The following TGFBI variants were observed in gnomAD, a reference collection of about 807,000 sequenced individuals.
TGFBI encodes the protein transforming growth factor beta induced, also known as transforming growth factor-beta-induced protein ig-h3.
In TGFBI, 50 loss-of-function variants were observed where a neutral mutation model predicts 73.7. The ratio of observed to expected loss-of-function variants is 0.68; its 90% CI spans 0.54 to 0.86. The LOEUF is 0.86. Among genes scored for constraint, TGFBI ranks in the 40% least tolerant of loss-of-function variants. The probability of loss-of-function intolerance (pLI) is 0.00; values close to 1 mark genes in which losing one functional copy is unlikely to be tolerated. For synonymous variants in TGFBI, 362 were observed against 360.5 expected (o/e 1.00, Z -0.05); for missense variants, 839 against 877.0 (o/e 0.96, Z 0.55).
At chr5:136,060,783 A>G (rs1561615892) in intron 13 of TGFBI, 51 bp from the exon 14 acceptor site, 5 of 1,330,232 alleles carry the variant, frequency 3.8e-6, no homozygotes, top group African/African-American at 1.5e-5. Flanking sequence ...TAAATATATA[A>G]ATGTATAAAT....
rs1751063247 is a variant in TGFBI at position 136,029,200 on chromosome 5, C to T, written c.134+11C>T. On this transcript the variant is annotated intron_variant, in intron 1 of 16. Coordinates refer to ENST00000442011, the MANE Select transcript of TGFBI (RefSeq NM_000358.3). ...GGGCCGCCAGCACGGGTAAGCCGAGCCGCCTGGCCAGGGGCTGCGGAAGGT... is the reference window on the plus strand; with the variant it reads ...GGGCCGCCAGCACGGGTAAGCCGAGTCGCCTGGCCAGGGGCTGCGGAAGGT... 2.2e-5 allele frequency: 33 copies of T among 1,474,360 alleles called. No homozygotes were observed. Among genetic ancestry groups the T allele is most frequent in the East Asian group, 2.7e-5 (1 of 36,406 alleles). The allele number at this position is 1,474,360 out of a possible 1,614,324, so 91.3% of individuals were successfully genotyped here.
Position 136,060,902 on chromosome 5 carries a change from G to A in TGFBI, c.1872G>A (p.Val624=), listed in dbSNP as rs778360033. The change falls in exon 14 of 17, where the codon GTG becomes GTA. Residue 624 remains valine, a synonymous_variant. Coordinates refer to ENST00000442011, the MANE Select transcript of TGFBI (RefSeq NM_000358.3). ...CTGACATCATGGCCACAAATGGCGT[G>A]GTCCATGTCATCACCAATGTTCTGC... ...AEPDIMATNG[V]VHVITNVLQP... The A allele has an allele frequency of 1.4e-5, 22 of 1,594,462 alleles. No homozygotes were observed. In the African/African-American group the frequency reaches 2.5e-4, roughly 18 times the overall value.
At chr5:136,058,491 A>G (rs1580721932) in intron 12 of TGFBI, among the ~76,000 whole-genome samples, 1 of 152,164 alleles carries the variant, frequency 6.6e-6, no homozygotes, top group East Asian at 1.9e-4. Flanking sequence ...GAATGCTGAG[A>G]CGTGACGAGG....
At chr5:136,058,454 G>T (rs920054417) in intron 12 of TGFBI, among the ~76,000 whole-genome samples, 2 of 152,148 alleles carry the variant, frequency 1.3e-5, no homozygotes, top group African/African-American at 4.8e-5. Flanking sequence ...TGCCCCAGTT[G>T]CTGGAGACAC....
intron 1 of TGFBI, among the ~76,000 whole-genome samples, chr5:136,029,800 A>G (rs1751084026): frequency 6.6e-6 from 1 of 152,216 alleles, no homozygotes; most frequent in Non-Finnish European, 1.5e-5. Context: ...GCCCTCACAC[A>G]CACTGTTCAA....
chr5:136,055,717 A>G lies in TGFBI; in HGVS notation c.1448A>G (p.Asp483Gly), dbSNP rs923621740. ...CIENSCIAAH[D>G]KRGRYGTLFT... ...GAGAACAGCTGCATCGCGGCCCACG[A>G]CAAGAGGGGGAGGTACGGGACCCTG... The change falls in exon 11 of 17, where the codon GAC (aspartate) becomes GGC (glycine). Residue 483 changes from aspartate to glycine, a missense_variant. By Grantham distance (94) the Asp-to-Gly change is moderately conservative. Coordinates refer to ENST00000442011, the MANE Select transcript of TGFBI (RefSeq NM_000358.3). The G allele has an allele frequency of 6.2e-7, 1 of 1,610,384 alleles. No homozygotes were observed. Among genetic ancestry groups the G allele is most frequent in the Non-Finnish European group, 8.5e-7 (1 of 1,177,276 alleles).
In TGFBI at chr5:136,059,256, G is replaced by A. The variant is rs140780027; in HGVS notation, c.1803+42G>A. The A allele has an allele frequency of 4.9e-4, 789 of 1,600,160 alleles. 3 individuals carry two copies. The African/African-American group carries it at 9.9e-3, about 20-fold the overall frequency. On this transcript the variant is annotated intron_variant, in intron 13 of 16. Transcript: ENST00000442011. The stretch of plus-strand genomic sequence containing the variant: ...TCAAAGGCTGGCTAAATTTCCCCAG[G>A]GCAGGGCTCCAGGACATATCTCACC...
chr5:136,044,342 CCA>C (rs1376960700), intron 3 of TGFBI, among the ~76,000 whole-genome samples: 1 of 152,262 alleles, frequency 6.6e-6, no homozygotes, highest in Non-Finnish European at 1.5e-5. Context: ...GGCCTCCTTA[CCA>C]CACTGGTGGA....
chr5:136,037,188 G>A (rs777748352), intron 2 of TGFBI, among the ~76,000 whole-genome samples: 47 of 152,218 alleles, frequency 3.1e-4, no homozygotes, highest in Non-Finnish European at 4.4e-4. Flanking sequence ...CTTTATTACA[G>A]GAAGTGGTTA....
intron 12 of TGFBI, among the ~76,000 whole-genome samples, chr5:136,057,518 C>T (rs1038453798): frequency 6.6e-6 from 1 of 151,944 alleles, no homozygotes; most frequent in Admixed American, 6.6e-5. Context: ...AAATAGGATG[C>T]CACACACAGG....
intron 2 of TGFBI, among the ~76,000 whole-genome samples, chr5:136,043,164 A>T (rs1344386896): frequency 1.3e-5 from 2 of 152,234 alleles, no homozygotes; most frequent in African/African-American, 4.8e-5. Flanking sequence ...CCGAAGGTAC[A>T]GGGTAGCCTT....
chr5:136,047,303 G>A lies in TGFBI; in HGVS notation c.654G>A (p.Leu218=). Residue 218 remains leucine, a synonymous_variant, in exon 6 of 17, where the codon CTG becomes CTA. Transcript: ENST00000442011. The part of the protein sequence containing the change: ...GIVTVNCARL[L]KADHHATNGV... The stretch of plus-strand genomic sequence containing the variant: ...TAACTGTGAACTGTGCCCGGCTGCT[G>A]AAAGCCGACCACCATGCAACCAACG... 6.2e-7 allele frequency: 1 copy of A among 1,613,846 alleles called. No homozygotes were observed. Among genetic ancestry groups the A allele is most frequent in the Non-Finnish European group, 8.5e-7 (1 of 1,179,836 alleles).
chr5:136,030,706 G>A lies in TGFBI; in HGVS notation c.134+1517G>A, dbSNP rs544174160. Among the ~76,000 whole-genome samples, 8 of 152,260 alleles carry A rather than the reference G, an allele frequency of 5.3e-5. No individual in the cohort carries two copies. In the East Asian group the frequency reaches 5.8e-4, roughly 11 times the overall value. On this transcript the variant is annotated intron_variant, in intron 1 of 16. Coordinates refer to ENST00000442011, the MANE Select transcript of TGFBI (RefSeq NM_000358.3). ...TTTTATTATCTCTGCCCACCTCTCC[G>A]TTGGTCTCTCTGCCTTTCCTGCCAA...
Position 136,046,467 on chromosome 5 carries a change from G to A in TGFBI, c.431G>A (p.Ser144Asn), listed in dbSNP as rs371581568. Residue 144 changes from serine to asparagine, a missense_variant, in exon 4 of 17, where the codon AGC becomes AAC. Physicochemically the swap from Ser to Asn is conservative, Grantham distance 46 (BLOSUM62 1). Coordinates refer to ENST00000442011, the MANE Select transcript of TGFBI (RefSeq NM_000358.3). ...GPGSFTIFAPSNEAWASLPAE... is the reference protein window; with the variant it reads ...GPGSFTIFAPNNEAWASLPAE... ...GGCAGCTTCACCATCTTCGCCCCTA[G>A]CAACGAGGCCTGGGCCTCCTTGCCA... 17 of 1,611,532 alleles carry A rather than the reference G, an allele frequency of 1.1e-5. No individual in the cohort carries two copies. Among genetic ancestry groups the A allele is most frequent in the Non-Finnish European group, 1.3e-5 (15 of 1,178,242 alleles).
At chr5:136,049,813 G>T in intron 7 of TGFBI, 1 of 489,794 alleles carries the variant, frequency 2.0e-6, no homozygotes, top group Non-Finnish European at 3.6e-6. Flanking sequence ...GGGAGAGCTG[G>T]ACTGAAGAGA....
chr5:136,033,190 C>T (rs1394143344), intron 1 of TGFBI, among the ~76,000 whole-genome samples: 1 of 152,142 alleles, frequency 6.6e-6, no homozygotes, highest in Admixed American at 6.5e-5. Context: ...AGGACCGTAT[C>T]CACTGTCAGA....
chr5:136,059,324 C>G, intron 13 of TGFBI, 110 bp downstream of exon 13: 1 of 1,433,194 alleles, frequency 7.0e-7, no homozygotes, highest in Non-Finnish European at 9.4e-7. Flanking sequence ...AGTTGCAGCC[C>G]GAATCTCTGA....
chr5:136,059,556 C>G (rs796149551), intron 13 of TGFBI, among the ~76,000 whole-genome samples: 20 of 152,308 alleles, frequency 1.3e-4, no homozygotes, highest in African/African-American at 4.3e-4. Context: ...ATCCCACCCC[C>G]CAAACCCAGG....
intron 2 of TGFBI, among the ~76,000 whole-genome samples, chr5:136,041,877 C>T (rs7719624): frequency 0.52 from 79,671 of 152,014 alleles, 21,517 homozygotes; most frequent in African/African-American, 0.65. Flanking sequence ...AGCTCCCTTG[C>T]GGTATTTTGG....
Sources: gnomAD v4.1 joint callset for allele counts (sites outside exome capture counted in the v4.1 genomes callset) on GRCh38, gnomAD v4.1.1 for gene constraint, MANE v1.5 for transcripts, NCBI Gene and HGNC (gene_info 2026-07-23, HGNC 2026-07-21) for gene names.